Variants in ZNF705A observed in about 807,000 individuals in gnomAD.
ZNF705A encodes the protein zinc finger protein 705A.
ZNF705A carries 8 observed loss-of-function variants against 16.6 expected under a neutral mutation model. That is an observed-to-expected ratio of 0.48 (90% CI 0.28 to 0.87). ZNF705A has a LOEUF of 0.87. Ranked by LOEUF, ZNF705A falls within the 40% of genes least tolerant of loss-of-function variation. ZNF705A has a pLI of 0.10. For synonymous variants in ZNF705A, 73 were observed against 117.3 expected, an observed-to-expected ratio of 0.62 and a Z score of 2.44; for missense variants, 233 against 359.9, an observed-to-expected ratio of 0.65 and a Z score of 2.85.
intron 1 of ZNF705A, among the ~76,000 whole-genome samples, chr12:8,163,031 A>T (rs1254082438): frequency 6.6e-6 from 1 of 152,226 alleles, no homozygotes; most frequent in Non-Finnish European, 1.5e-5. Context: ...GTGGCTATCT[A>T]TTCTCAAATC....
intron 1 of ZNF705A, among the ~76,000 whole-genome samples, chr12:8,160,746 G>A (rs904358701): frequency 6.6e-6 from 1 of 151,956 alleles, no homozygotes; most frequent in South Asian, 2.1e-4. Flanking sequence ...CAGGGTTTTC[G>A]AGATAAATGA....
chr12:8,172,703 C>G lies in ZNF705A; in HGVS notation c.12+66C>G, dbSNP rs1446298507. On this transcript the variant is annotated intron_variant, in intron 1 of 4. Coordinates refer to ENST00000359286, the Ensembl canonical transcript of ZNF705A. ...ATTGCTGGCAAGTGGGCATTTTTCT[C>G]CAATTTGCATGGGTGTTTCATTTTT... 4 of 1,582,784 alleles carry G rather than the reference C, an allele frequency of 2.5e-6. No individual in the cohort carries two copies. The East Asian group carries it at 8.9e-5, about 35-fold the overall frequency.
exon 5 of ZNF705A, chr12:8,177,265 T>C (rs752961396): frequency 6.2e-7 from 1 of 1,611,628 alleles, no homozygotes; most frequent in African/African-American, 1.3e-5. Flanking sequence ...TGACTCACAC[T>C]GGAGAGAGGC....
chr12:8,159,980 C>A (rs1169013028), intron 1 of ZNF705A, among the ~76,000 whole-genome samples: 1 of 152,020 alleles, frequency 6.6e-6, no homozygotes. Flanking sequence ...GTCTGTAATC[C>A]ATCTTGAGTT....
intron 1 of ZNF705A, among the ~76,000 whole-genome samples, chr12:8,167,303 G>A (rs1948407400): frequency 6.6e-6 from 1 of 152,106 alleles, no homozygotes; most frequent in African/African-American, 2.4e-5. Flanking sequence ...CTTCAAAATA[G>A]CCTTAACTCT....
At chr12:8,158,145 G>T (rs1281157104) in intron 1 of ZNF705A, among the ~76,000 whole-genome samples, 1 of 152,098 alleles carries the variant, frequency 6.6e-6, no homozygotes, top group African/African-American at 2.4e-5. Flanking sequence ...AAGGGAGTAG[G>T]ATGTGTTTGC....
intron 1 of ZNF705A, among the ~76,000 whole-genome samples, chr12:8,157,379 C>G (rs4343098): frequency 6.6e-6 from 1 of 151,752 alleles, no homozygotes; most frequent in Admixed American, 6.6e-5. Flanking sequence ...CTACTATGCC[C>G]AAACCCAAGT....
At chr12:8,177,341 A>G (rs1233814359) in exon 5 of ZNF705A, 2 of 1,611,932 alleles carry the variant, frequency 1.2e-6, no homozygotes, top group South Asian at 2.2e-5. Flanking sequence ...ACATGAGAAA[A>G]CTCACACGGG....
intron 1 of ZNF705A, among the ~76,000 whole-genome samples, chr12:8,165,164 A>T (rs947002947): frequency 2.6e-5 from 4 of 152,100 alleles, no homozygotes; most frequent in East Asian, 3.9e-4. Flanking sequence ...GTGATATTTC[A>T]TGGTGGTTTT....
At chr12:8,168,082 A>G (rs1254878061), upstream of ZNF705A, among the ~76,000 whole-genome samples, 11 of 152,262 alleles carry the variant, frequency 7.2e-5, no homozygotes, top group Admixed American at 1.3e-4. Context: ...GTCCATCTGA[A>G]GCTTTCTTTC....
exon 1 of ZNF705A, chr12:8,172,564 G>T: frequency 6.3e-7 from 1 of 1,592,948 alleles, no homozygotes; most frequent in Non-Finnish European, 8.5e-7. Flanking sequence ...GCTTTTCTTA[G>T]TGCCTAAAGT....
At chr12:8,173,785 A>G (rs1048157202) in intron 1 of ZNF705A, among the ~76,000 whole-genome samples, 23 of 152,346 alleles carry the variant, frequency 1.5e-4, no homozygotes, top group African/African-American at 5.5e-4. Flanking sequence ...AATGACTTAT[A>G]TTTAATAAAT....
chr12:8,163,924 G>T (rs1283554580), intron 1 of ZNF705A, among the ~76,000 whole-genome samples: 3 of 152,020 alleles, frequency 2.0e-5, no homozygotes, highest in Non-Finnish European at 2.9e-5. Context: ...AACCGACTTT[G>T]TTGAGCTATG....
At chr12:8,172,841 C>A (rs1264097505) in intron 1 of ZNF705A, among the ~76,000 whole-genome samples, 1 of 152,144 alleles carries the variant, frequency 6.6e-6, no homozygotes, top group African/African-American at 2.4e-5. Flanking sequence ...TCTCAGGACT[C>A]TAGGTGGGGT....
chr12:8,175,865 G>T lies in ZNF705A; in HGVS notation c.241G>T (p.Glu81Ter), dbSNP rs1948480090. ...TTATTTTTCAATTATTTCAGACAGG[G>T]AAAGTGCCCTTAAGAAAAAACACAT... The change falls in exon 4 of 5, where the codon GAA (glutamate) becomes TAA (stop). Residue 81 changes from glutamate (E) to a stop codon, truncating the protein, a stop_gained. Coordinates refer to ENST00000359286, the Ensembl canonical transcript of ZNF705A. LOFTEE classifies it high-confidence loss of function. The T allele has an allele frequency of 3.1e-6, 5 of 1,611,224 alleles. No individual in the cohort carries two copies. The highest frequency in any genetic ancestry group is 3.4e-6 in the Non-Finnish European group (4 of 1,179,452).
upstream of ZNF705A, among the ~76,000 whole-genome samples, chr12:8,170,248 G>T (rs1948435537): frequency 6.6e-6 from 1 of 150,844 alleles, no homozygotes; most frequent in Admixed American, 6.6e-5. Flanking sequence ...AGCTGTGCAG[G>T]CTCTCATCTT....
At chr12:8,169,506 G>T (rs1197579570), upstream of ZNF705A, among the ~76,000 whole-genome samples, 1 of 152,146 alleles carries the variant, frequency 6.6e-6, no homozygotes, top group Non-Finnish European at 1.5e-5. Flanking sequence ...GGTGGTCTTT[G>T]CATTTCTATG....
At position 8,172,685 on chromosome 12, in the gene ZNF705A, G is replaced by A. The variant is rs778953660; in HGVS notation, c.12+48G>A. On this transcript the variant is annotated intron_variant, in intron 1 of 4. Transcript: ENST00000359286. ...TACTGAAATTATACCCATATTGCTG[G>A]CAAGTGGGCATTTTTCTCCAATTTG... The A allele has an allele frequency of 1.2e-5, 19 of 1,592,386 alleles. No individual in the cohort carries two copies. The East Asian group carries it at 1.6e-4, about 13-fold the overall frequency.
chr12:8,177,342 C>T lies in ZNF705A; in HGVS notation c.662C>T (p.Thr221Ile), dbSNP rs140732501. 129 of 1,611,796 alleles carry T rather than the reference C, an allele frequency of 8.0e-5. No homozygotes were observed. In the African/African-American group the frequency reaches 1.7e-3, roughly 21 times the overall value. The change falls in exon 5 of 5, where the codon ACT becomes ATT. Residue 221 changes from threonine (T) to isoleucine (I), a missense_variant. Thr to Ile is a moderately conservative substitution (Grantham distance 89, BLOSUM62 -1). This residue lies in a region of ZNF705A where 220 missense variants were observed against 271.4 expected (regional missense o/e 0.81). Transcript: ENST00000359286. ...TCTCACCTTAGAAGACATGAGAAAA[C>T]TCACACGGGAGAGAGACCATATAAG...
Sources: allele counts gnomAD v4.1 joint callset (sites outside exome capture counted in the v4.1 genomes callset), GRCh38; gene constraint gnomAD v4.1.1; regional missense constraint gnomAD v4.1.1; transcripts MANE v1.5; gene names NCBI Gene and HGNC (gene_info 2026-07-23, HGNC 2026-07-21).